Variants in LRIG3 observed in about 807,000 individuals in gnomAD.
LRIG3 encodes the protein leucine rich repeats and immunoglobulin like domains 3.
A neutral mutation model predicts 114.5 loss-of-function variants in LRIG3; 76 were observed. That is an observed-to-expected ratio of 0.66 (90% CI 0.55 to 0.80). The LOEUF (loss-of-function observed/expected upper bound fraction) is 0.80, where lower values mean the gene tolerates loss of function less well. Ranked by LOEUF, LRIG3 falls within the 30% of genes least tolerant of loss-of-function variation. The pLI, the probability that LRIG3 is intolerant of heterozygous loss-of-function variation, is 0.00. For missense variants in LRIG3, 1,239 were observed against 1,382.8 expected (o/e 0.90, Z 1.65); for synonymous variants, 512 against 519.8 (o/e 0.98, Z 0.20).
At chr12:58,918,868 C>G (rs1330760664) in intron 1 of LRIG3, among the ~76,000 whole-genome samples, 4 of 152,196 alleles carry the variant, frequency 2.6e-5, no homozygotes, top group Non-Finnish European at 4.4e-5. Context: ...AATATACTTT[C>G]TGATGGCCAA....
chr12:58,885,490 A>G (rs1375604320), intron 10 of LRIG3, among the ~76,000 whole-genome samples: 3 of 152,210 alleles, frequency 2.0e-5, no homozygotes, highest in Non-Finnish European at 4.4e-5. Flanking sequence ...AATATGTGGT[A>G]CAATGCCTGA....
At chr12:58,918,633 T>C (rs143449705) in intron 1 of LRIG3, among the ~76,000 whole-genome samples, 36 of 152,362 alleles carry the variant, frequency 2.4e-4, no homozygotes, top group Non-Finnish European at 4.3e-4. Context: ...GTTCCATATG[T>C]TGTCAATAGA....
chr12:58,911,908 C>T (rs74099582), intron 3 of LRIG3, among the ~76,000 whole-genome samples: 1,660 of 152,294 alleles, frequency 0.011, 30 homozygotes, highest in African/African-American at 0.037. Flanking sequence ...TTTTTACTCT[C>T]CACATTGAAT....
Position 58,920,017 on chromosome 12 carries a change from C to A in LRIG3, c.219G>T (p.Pro73=), listed in dbSNP as rs1356053843. The A allele has an allele frequency of 6.4e-7, 1 of 1,554,142 alleles. No homozygotes were observed. Among genetic ancestry groups the A allele is most frequent in the Non-Finnish European group, 8.7e-7 (1 of 1,148,852 alleles). ...ATACTTACAGCCGAGCGACCCAGGA[C>A]GGGAGTGGCTCGGGAAGACGCGCTA... is the stretch of plus-strand genomic sequence containing the variant. The part of the protein sequence containing the change: ...KRLARLPEPL[P]SWVARLDLSH... Residue 73 remains proline (P), a synonymous_variant, in exon 1 of 19, where the codon CCG becomes CCT. Coordinates refer to ENST00000320743, the MANE Select transcript of LRIG3 (RefSeq NM_153377.5).
intron 12 of LRIG3, among the ~76,000 whole-genome samples, 163 bp from the exon 13 acceptor site, chr12:58,881,064 G>A (rs1871113518): frequency 1.3e-5 from 2 of 152,142 alleles, no homozygotes; most frequent in African/African-American, 4.8e-5. Context: ...ATGATACACT[G>A]GGAGAGTATT....
chr12:58,899,939 C>A (rs1181274044), intron 3 of LRIG3, among the ~76,000 whole-genome samples: 1 of 152,164 alleles, frequency 6.6e-6, no homozygotes, highest in Non-Finnish European at 1.5e-5. Context: ...GGAAGGCTAA[C>A]AGGAAATAAA....
chr12:58,875,371 C>T (rs1870882152), intron 16 of LRIG3, among the ~76,000 whole-genome samples: 1 of 152,208 alleles, frequency 6.6e-6, no homozygotes. Context: ...TAACTCTACG[C>T]TCTTTATTTC....
intron 3 of LRIG3, among the ~76,000 whole-genome samples, chr12:58,902,069 G>A (rs1871872086): frequency 6.6e-6 from 1 of 152,094 alleles, no homozygotes; most frequent in Admixed American, 6.5e-5. Flanking sequence ...AAATTTACAT[G>A]GCAACTGTAC....
At chr12:58,913,866 T>C (rs1206199962) in intron 3 of LRIG3, 116 bp downstream of exon 3, 1 of 827,348 alleles carries the variant, frequency 1.2e-6, no homozygotes, top group Non-Finnish European at 1.9e-6. Flanking sequence ...ATCTTTACTA[T>C]GCCCTGAAAA....
At chr12:58,884,607 C>T (rs1424481725) in intron 10 of LRIG3, among the ~76,000 whole-genome samples, 1 of 152,142 alleles carries the variant, frequency 6.6e-6, no homozygotes, top group Non-Finnish European at 1.5e-5. Flanking sequence ...TTGGTCTGCC[C>T]TTCCAAAACT....
Position 58,877,706 on chromosome 12 carries a change from A to G in LRIG3, c.2230T>C (p.Phe744Leu). 1 of 1,614,218 alleles carries G rather than the reference A, an allele frequency of 6.2e-7. No homozygotes were observed. The highest frequency in any genetic ancestry group is 8.5e-7 in the Non-Finnish European group (1 of 1,180,038). Residue 744 changes from phenylalanine to leucine, a missense_variant, in exon 15 of 19, where the codon TTT becomes CTT. Phe to Leu is a conservative substitution (Grantham distance 22). Coordinates refer to ENST00000320743, the MANE Select transcript of LRIG3 (RefSeq NM_153377.5). ...AGAAGCTGATTGCCTGCTGCAAAAA[A>G]GTGCCTCTCGGTTACCACCAATGGG... ...DSPLVVTERH[F>L]FAAGNQLLII...
At position 58,876,605 on chromosome 12, in the gene LRIG3, T is replaced by C. The variant is rs1284224783; in HGVS notation, c.2537-2A>G. 1 of 1,614,152 alleles carries C rather than the reference T, an allele frequency of 6.2e-7. No individual in the cohort carries two copies. The highest frequency in any genetic ancestry group is 1.1e-5 in the South Asian group (1 of 91,080). On this transcript the variant is annotated splice_acceptor_variant, in intron 15 of 18. Coordinates refer to ENST00000320743, the MANE Select transcript of LRIG3 (RefSeq NM_153377.5). LOFTEE classifies it high-confidence loss of function. Reference sequence around the variant, plus strand: ...TATCTGCTGGCAAGTTGGTCTCATCTGTAATAAAACAGCAGCATTTTATTA... The same window carrying C: ...TATCTGCTGGCAAGTTGGTCTCATCCGTAATAAAACAGCAGCATTTTATTA...
chr12:58,874,639 T>A, intron 16 of LRIG3, 66 bp from the exon 17 acceptor site: 1 of 1,588,210 alleles, frequency 6.3e-7, no homozygotes, highest in South Asian at 1.1e-5. Flanking sequence ...CTCCCCAGTT[T>A]TGGCATCTTC....
At chr12:58,883,700 T>C in intron 10 of LRIG3, 109 bp from the exon 11 acceptor site, 1 of 620,874 alleles carries the variant, frequency 1.6e-6, no homozygotes, top group East Asian at 2.8e-5. Context: ...AAATACTCCC[T>C]CTATGTGTCA....
At chr12:58,886,270 T>C (rs909378733) in intron 9 of LRIG3, among the ~76,000 whole-genome samples, 1 of 152,152 alleles carries the variant, frequency 6.6e-6, no homozygotes, top group African/African-American at 2.4e-5. Flanking sequence ...TCTCTGTGGA[T>C]ACCTTCCATC....
rs1041640446 is a variant in LRIG3, at chr12:58,883,451, G to A, written c.1316+69C>T. 6.3e-6 allele frequency: 7 copies of A among 1,118,994 alleles called. No individual in the cohort carries two copies. In the African/African-American group the frequency reaches 1.1e-4, roughly 18 times the overall value. The allele number at this position is 1,118,994 out of a possible 1,614,324, so 69.3% of individuals were successfully genotyped here. ...GCACTTTTTATAGATACATAATCCAGGATGCCACACCATATGACAGTTTTC... is the reference window on the plus strand; with the variant it reads ...GCACTTTTTATAGATACATAATCCAAGATGCCACACCATATGACAGTTTTC... On this transcript the variant is annotated intron_variant, in intron 11 of 18. Transcript: ENST00000320743.
chr12:58,915,121 A>G (rs1328043453), intron 1 of LRIG3, among the ~76,000 whole-genome samples: 1 of 152,238 alleles, frequency 6.6e-6, no homozygotes, highest in Non-Finnish European at 1.5e-5. Context: ...TAGGCTAGAA[A>G]GTCATCTCAT....
chr12:58,883,096 AC>A, intron 11 of LRIG3, 64 bp from the exon 12 acceptor site: 1 of 1,483,606 alleles, frequency 6.7e-7, no homozygotes, highest in Non-Finnish European at 9.1e-7. Context: ...AGTAAACTAA[AC>A]CCAAGTAAAT....
At chr12:58,909,126 C>T (rs1242546571) in intron 3 of LRIG3, among the ~76,000 whole-genome samples, 1 of 152,160 alleles carries the variant, frequency 6.6e-6, no homozygotes, top group East Asian at 1.9e-4. Context: ...TAAAACCCCT[C>T]TTTGGCCACA....
Sources: gnomAD v4.1 joint callset for allele counts (sites outside exome capture counted in the v4.1 genomes callset) on GRCh38, gnomAD v4.1.1 for gene constraint, MANE v1.5 for transcripts, NCBI Gene and HGNC (gene_info 2026-07-23, HGNC 2026-07-21) for gene names.